NUDCD1: variants seen among roughly 807,000 people sequenced by gnomAD.
NUDCD1 encodes nudC domain-containing protein 1.
NUDCD1 carries 60 observed loss-of-function variants against 67.8 expected under a neutral mutation model. The observed-to-expected ratio is 0.88, with a 90% CI of 0.72 to 1.10. The LOEUF is 1.10. Among genes scored for constraint, NUDCD1 ranks in the 50% least tolerant of loss-of-function variants. NUDCD1 has a pLI of 0.00. For synonymous variants in NUDCD1, 244 were observed against 230.8 expected (o/e 1.06, Z -0.52); for missense variants, 643 against 695.0 (o/e 0.93, Z 0.84).
rs777786486 is a variant in NUDCD1 at position 109,322,359 on chromosome 8, C to T, written c.223G>A (p.Val75Ile). 1.4e-5 allele frequency: 22 copies of T among 1,579,408 alleles called. No homozygotes were observed. The highest frequency in any genetic ancestry group is 9.0e-5 in the East Asian group (4 of 44,678). The change falls in exon 2 of 10, where the codon GTC becomes ATC. Residue 75 changes from valine (V) to isoleucine (I), a missense_variant. Transcript: ENST00000239690. ...CTTCCAAGGGTATCAATATAGTAGA[C>T]ACTGTCTTGATACCATGAATCACAG... is the stretch of plus-strand genomic sequence containing the variant. ...LHCDSWYQDS[V>I]YYIDTLGRIM...
intron 2 of NUDCD1, among the ~76,000 whole-genome samples, chr8:109,296,859 G>C (rs182958439): frequency 1.3e-5 from 2 of 152,330 alleles, no homozygotes; most frequent in Admixed American, 1.3e-4. Context: ...CTATGAATAT[G>C]CTTAAGGTAG....
At chr8:109,287,574 T>A (rs1470361913) in intron 5 of NUDCD1, among the ~76,000 whole-genome samples, 2 of 152,052 alleles carry the variant, frequency 1.3e-5, no homozygotes, top group African/African-American at 4.8e-5. Context: ...CACTTATAAG[T>A]GTGAGCTAAA....
At chr8:109,331,972 G>C (rs1287608505) in intron 1 of NUDCD1, among the ~76,000 whole-genome samples, 3 of 152,178 alleles carry the variant, frequency 2.0e-5, no homozygotes, top group African/African-American at 7.2e-5. Flanking sequence ...AGGATGTCCA[G>C]CATACAACCT....
intron 5 of NUDCD1, among the ~76,000 whole-genome samples, chr8:109,282,186 C>T (rs991892526): frequency 7.2e-5 from 11 of 152,144 alleles, no homozygotes; most frequent in African/African-American, 1.9e-4. Flanking sequence ...CCCTACTCCC[C>T]GGGGCTGAGC....
intron 8 of NUDCD1, among the ~76,000 whole-genome samples, chr8:109,267,358 G>T (rs769236687): frequency 6.6e-6 from 1 of 152,114 alleles, no homozygotes; most frequent in Non-Finnish European, 1.5e-5. Context: ...GATCTCACAC[G>T]AGTCAGAATG....
intron 8 of NUDCD1, among the ~76,000 whole-genome samples, chr8:109,254,684 T>C (rs1403925278): frequency 6.6e-6 from 1 of 152,090 alleles, no homozygotes; most frequent in African/African-American, 2.4e-5. Context: ...TTTCAAATAG[T>C]CAATTAATTG....
intron 1 of NUDCD1, 60 bp downstream of exon 1, chr8:109,333,833 A>G: frequency 7.0e-6 from 11 of 1,577,494 alleles, no homozygotes; most frequent in Non-Finnish European, 9.5e-6. Context: ...GGGAAGGGTC[A>G]GGCCGGAGGC....
At chr8:109,263,054 CA>C (rs59659347) in intron 8 of NUDCD1, among the ~76,000 whole-genome samples, 2,411 of 41,788 alleles carry the variant, frequency 0.058, 9 homozygotes, top group Non-Finnish European at 0.075. Context: ...GACTCTGTCT[CA>C]AAAAAAAAAA....
chr8:109,257,069 C>A (rs1813757172), intron 8 of NUDCD1, among the ~76,000 whole-genome samples: 1 of 152,086 alleles, frequency 6.6e-6, no homozygotes. Context: ...ACCACTCAAT[C>A]TTTCTTCCTA....
chr8:109,258,756 T>C lies in NUDCD1; in HGVS notation c.1299+12249A>G, dbSNP rs1273404998. 2.6e-5 allele frequency among the ~76,000 whole-genome samples: 4 copies of C among 152,156 alleles called. 1 individual carries two copies. On this transcript the variant is annotated intron_variant, in intron 8 of 9. Coordinates refer to ENST00000239690, the MANE Select transcript of NUDCD1 (RefSeq NM_032869.4). ...TCCCAAGGAAAGGACTGAATTCTAC[T>C]GCACTGAAGGCTTGACACTGTACAG...
chr8:109,273,450 T>G (rs1814206232), intron 7 of NUDCD1, among the ~76,000 whole-genome samples: 1 of 152,054 alleles, frequency 6.6e-6, no homozygotes, highest in African/African-American at 2.4e-5. Flanking sequence ...CAACATTAAG[T>G]GCTTTCATTG....
At chr8:109,271,543 A>G (rs1814157464) in intron 7 of NUDCD1, among the ~76,000 whole-genome samples, 1 of 152,178 alleles carries the variant, frequency 6.6e-6, no homozygotes, top group African/African-American at 2.4e-5. Flanking sequence ...ACAAAGACAA[A>G]ACATAAAAGC....
chr8:109,263,571 G>C (rs879679892), intron 8 of NUDCD1, among the ~76,000 whole-genome samples: 4 of 152,094 alleles, frequency 2.6e-5, no homozygotes, highest in Non-Finnish European at 4.4e-5. Flanking sequence ...CTGTAAATGG[G>C]GTAAAATCTC....
chr8:109,245,857 T>C (rs1198002197), intron 8 of NUDCD1, among the ~76,000 whole-genome samples: 1 of 152,172 alleles, frequency 6.6e-6, no homozygotes, highest in Non-Finnish European at 1.5e-5. Flanking sequence ...CGCAGACTGG[T>C]ACCAGTCAGT....
intron 3 of NUDCD1, 76 bp downstream of exon 3, chr8:109,296,308 G>T: frequency 1.7e-6 from 2 of 1,149,730 alleles, no homozygotes; most frequent in Non-Finnish European, 2.6e-6. Flanking sequence ...TCCTTGAAAA[G>T]TGTCATTTTA....
In NUDCD1 at chr8:109,292,987, A is replaced by G. The variant is rs563567513; in HGVS notation, c.640+357T>C. On this transcript the variant is annotated intron_variant, in intron 4 of 9. Transcript: ENST00000239690. ...TATTTATTTACATTTAAATTATACT[A>G]TAATGTATTAATTTACATTTAGTTT... Among the ~76,000 whole-genome samples the G allele has an allele frequency of 6.7e-4, 102 of 152,184 alleles. 1 individual carries two copies. The highest frequency in any genetic ancestry group is 3.4e-3 in the Middle Eastern group (1 of 294).
chr8:109,302,802 C>A (rs1238373537), intron 2 of NUDCD1, among the ~76,000 whole-genome samples: 2 of 152,160 alleles, frequency 1.3e-5, no homozygotes, highest in Non-Finnish European at 2.9e-5. Flanking sequence ...CGCCCTAGAC[C>A]CAGAGGGGCC....
chr8:109,266,386 C>T (rs185154853), intron 8 of NUDCD1, among the ~76,000 whole-genome samples: 3,612 of 140,302 alleles, frequency 0.026, 135 homozygotes, highest in African/African-American at 0.088. Context: ...CCACCATGCC[C>T]GGCTAATTTT....
chr8:109,301,963 C>G (rs1300449819), intron 2 of NUDCD1, among the ~76,000 whole-genome samples: 1 of 152,164 alleles, frequency 6.6e-6, no homozygotes, highest in Non-Finnish European at 1.5e-5. Context: ...TGCGGGGATG[C>G]CTGCTTTGGC....
Sources: allele counts gnomAD v4.1 joint callset (sites outside exome capture counted in the v4.1 genomes callset), GRCh38; gene constraint gnomAD v4.1.1; transcripts MANE v1.5; gene names NCBI Gene and HGNC (gene_info 2026-07-23, HGNC 2026-07-21).